Variants in CFAP299 observed in about 807,000 individuals in gnomAD.
The protein encoded by CFAP299 is cilia and flagella associated protein 299.
CFAP299 carries 21 observed loss-of-function variants against 27.0 expected under a neutral mutation model. The observed-to-expected ratio is 0.78, with a 90% CI of 0.55 to 1.12. The LOEUF (loss-of-function observed/expected upper bound fraction) is 1.12, where lower values mean the gene tolerates loss of function less well. CFAP299 is among the 50% of genes most tolerant of loss of function. The pLI is 0.00. For synonymous variants in CFAP299, 104 were observed against 98.1 expected (o/e 1.06, Z -0.36); for missense variants, 310 against 276.6 (o/e 1.12, Z -0.86).
chr4:80,933,322 G>A (rs1736724207), intron 4 of CFAP299, among the ~76,000 whole-genome samples: 1 of 151,954 alleles, frequency 6.6e-6, no homozygotes, highest in Non-Finnish European at 1.5e-5. Flanking sequence ...GCACCCCCTA[G>A]CAACCATCAA....
chr4:80,362,689 A>T, intron 1 of CFAP299, 65 bp from the exon 2 acceptor site: 1 of 1,496,434 alleles, frequency 6.7e-7, no homozygotes, highest in South Asian at 1.4e-5. Flanking sequence ...TGTAAGATAT[A>T]AGTAAGTAAG....
intron 3 of CFAP299, among the ~76,000 whole-genome samples, chr4:80,712,944 A>G (rs1349839060): frequency 6.6e-6 from 1 of 152,120 alleles, no homozygotes; most frequent in Non-Finnish European, 1.5e-5. Context: ...ACCCTGTTAA[A>G]GGGCTATCCT....
At chr4:80,558,362 G>GTTTTTTTT (rs1351346440) in intron 2 of CFAP299, among the ~76,000 whole-genome samples, 14 of 125,374 alleles carry the variant, frequency 1.1e-4, no homozygotes, top group East Asian at 7.1e-4. Flanking sequence ...TTGTTTGTTT[G>GTTTTTTTT]TTTGTTTTTT....
intron 5 of CFAP299, among the ~76,000 whole-genome samples, chr4:80,955,717 C>T (rs1738032016): frequency 6.6e-6 from 1 of 152,114 alleles, no homozygotes; most frequent in African/African-American, 2.4e-5. Flanking sequence ...AATAATGTAG[C>T]TAGGCCAGGC....
At chr4:80,953,963 C>A (rs1052227155) in intron 5 of CFAP299, among the ~76,000 whole-genome samples, 1 of 152,106 alleles carries the variant, frequency 6.6e-6, no homozygotes, top group African/African-American at 2.4e-5. Context: ...GTAAAAGGGA[C>A]CCATATGGCC....
chr4:80,532,775 A>G (rs963146217), intron 2 of CFAP299, among the ~76,000 whole-genome samples: 3 of 152,312 alleles, frequency 2.0e-5, no homozygotes, highest in Non-Finnish European at 2.9e-5. Context: ...AAGCAGTGAA[A>G]TGTTTTTGAA....
intron 2 of CFAP299, chr4:80,386,560 G>C: frequency 6.3e-7 from 1 of 1,595,866 alleles, no homozygotes; most frequent in Non-Finnish European, 8.6e-7. Context: ...CCTTCTGGGG[G>C]CCGAGACGAC....
At chr4:80,617,917 C>T (rs1368957075) in intron 3 of CFAP299, among the ~76,000 whole-genome samples, 1 of 151,850 alleles carries the variant, frequency 6.6e-6, no homozygotes, top group Admixed American at 6.6e-5. Context: ...AAGATCTGCC[C>T]AAAGGAATTA....
At chr4:80,387,325 G>C (rs1468309930) in intron 2 of CFAP299, 45 of 1,598,780 alleles carry the variant, frequency 2.8e-5, no homozygotes, top group Non-Finnish European at 3.4e-5. Flanking sequence ...TTTGGGCACA[G>C]CTTTTGACCA....
At chr4:80,518,042 T>C (rs879518110) in intron 2 of CFAP299, among the ~76,000 whole-genome samples, 22 of 151,934 alleles carry the variant, frequency 1.4e-4, no homozygotes, top group Non-Finnish European at 3.2e-4. Flanking sequence ...GTGGACCAGT[T>C]TTAGGTGATG....
intron 2 of CFAP299, among the ~76,000 whole-genome samples, chr4:80,382,263 T>A (rs965178045): frequency 1.3e-5 from 2 of 152,156 alleles, no homozygotes; most frequent in Admixed American, 1.3e-4. Flanking sequence ...TATTTCATGA[T>A]GAAGAAAGCA....
chr4:80,482,816 G>T (rs891823930), intron 2 of CFAP299, among the ~76,000 whole-genome samples: 2 of 152,126 alleles, frequency 1.3e-5, no homozygotes, highest in Admixed American at 6.6e-5. Context: ...CTTGCTGAAC[G>T]CTAGGTCTCA....
chr4:80,531,376 A>G (rs546858516), intron 2 of CFAP299, among the ~76,000 whole-genome samples: 47 of 152,336 alleles, frequency 3.1e-4, no homozygotes, highest in Non-Finnish European at 6.6e-4. Context: ...AGTGTTTCTT[A>G]AAGTGTGAAA....
At chr4:80,762,170 T>C (rs977674699) in intron 3 of CFAP299, among the ~76,000 whole-genome samples, 1 of 151,892 alleles carries the variant, frequency 6.6e-6, no homozygotes, top group African/African-American at 2.4e-5. Context: ...TATACAATAC[T>C]GATAACCTCA....
chr4:80,659,694 A>C (rs529126770), intron 3 of CFAP299, among the ~76,000 whole-genome samples: 2 of 152,236 alleles, frequency 1.3e-5, no homozygotes, highest in South Asian at 4.1e-4. Flanking sequence ...TCATGGATAC[A>C]AAATAATATA....
At chr4:80,517,547 A>C (rs1219779995) in intron 2 of CFAP299, among the ~76,000 whole-genome samples, 2 of 152,174 alleles carry the variant, frequency 1.3e-5, no homozygotes, top group Non-Finnish European at 2.9e-5. Flanking sequence ...TGTAATGTTA[A>C]GGTTATTGTT....
At chr4:80,630,666 T>C (rs1365214273) in intron 3 of CFAP299, among the ~76,000 whole-genome samples, 2 of 152,216 alleles carry the variant, frequency 1.3e-5, no homozygotes, top group East Asian at 3.9e-4. Flanking sequence ...TGTTTAATTA[T>C]GCAGTACAAG....
At chr4:80,373,522 G>T (rs1253181104) in intron 2 of CFAP299, among the ~76,000 whole-genome samples, 1 of 152,112 alleles carries the variant, frequency 6.6e-6, no homozygotes, top group Non-Finnish European at 1.5e-5. Flanking sequence ...TGGAATGGCT[G>T]CCTTCAACCT....
chr4:80,622,697 A>G (rs1304100157), intron 3 of CFAP299, among the ~76,000 whole-genome samples: 3 of 152,216 alleles, frequency 2.0e-5, no homozygotes, highest in Admixed American at 6.5e-5. Context: ...AAGAAAACCT[A>G]TAAGATTTAT....
Sources: gnomAD v4.1 joint callset for allele counts (sites outside exome capture counted in the v4.1 genomes callset) on GRCh38, gnomAD v4.1.1 for gene constraint, MANE v1.5 for transcripts, NCBI Gene and HGNC (gene_info 2026-07-23, HGNC 2026-07-21) for gene names.